Variants in SMC6 observed in about 807,000 individuals in gnomAD.
SMC6 encodes structural maintenance of chromosomes protein 6.
A neutral mutation model predicts 142.2 loss-of-function variants in SMC6; 79 were observed. That is an observed-to-expected ratio of 0.56 (90% CI 0.46 to 0.67). The LOEUF is 0.67. Among genes scored for constraint, SMC6 ranks in the 30% least tolerant of loss-of-function variants. The pLI, the probability that SMC6 is intolerant of heterozygous loss-of-function variation, is 0.00. For synonymous variants in SMC6, 411 were observed against 412.4 expected (o/e 1.00, Z 0.04); for missense variants, 1,072 against 1,284.0 (o/e 0.83, Z 2.52).
At chr2:17,739,916 A>T (rs1670357163) in intron 4 of SMC6, among the ~76,000 whole-genome samples, 1 of 150,428 alleles carries the variant, frequency 6.6e-6, no homozygotes, top group South Asian at 2.1e-4. Context: ...ACACACACAC[A>T]CACACACACA....
At chr2:17,735,634 T>C (rs1443677180) in intron 5 of SMC6, among the ~76,000 whole-genome samples, 1 of 152,188 alleles carries the variant, frequency 6.6e-6, no homozygotes, top group Admixed American at 6.5e-5. Flanking sequence ...GTAAACTGTA[T>C]ATGTTTAAAG....
intron 2 of SMC6, among the ~76,000 whole-genome samples, chr2:17,751,005 CAA>C (rs34661130): frequency 5.4e-4 from 29 of 53,804 alleles, no homozygotes; most frequent in Admixed American, 1.9e-3. Context: ...ACAGCTGTCT[CAA>C]AAAAAAAAAA....
chr2:17,675,570 A>G (rs1666960585), intron 25 of SMC6, among the ~76,000 whole-genome samples: 1 of 152,096 alleles, frequency 6.6e-6, no homozygotes, highest in East Asian at 1.9e-4. Flanking sequence ...TGTTTGTCTG[A>G]AAACTAAGAT....
Position 17,683,786 on chromosome 2 carries a change from C to T in SMC6, c.2679-23G>A, listed in dbSNP as rs200352578. ...TGCCTATTATATAAACAAAATATTACGTAAAAAATACACCACACGTAAAAA... is the reference window on the plus strand; with the variant it reads ...TGCCTATTATATAAACAAAATATTATGTAAAAAATACACCACACGTAAAAA... On this transcript the variant is annotated intron_variant, in intron 23 of 27. Transcript: ENST00000448223. 1,106 of 1,595,370 alleles carry T rather than the reference C, an allele frequency of 6.9e-4. 2 individuals are homozygous for T. The highest frequency in any genetic ancestry group is 8.1e-4 in the Non-Finnish European group (945 of 1,167,952).
At chr2:17,737,857 C>T (rs1056464137) in intron 5 of SMC6, among the ~76,000 whole-genome samples, 1 of 152,182 alleles carries the variant, frequency 6.6e-6, no homozygotes, top group Non-Finnish European at 1.5e-5. Context: ...TCCCTACTAT[C>T]GTATCAATGT....
At chr2:17,737,374 G>A (rs1670210293) in intron 5 of SMC6, among the ~76,000 whole-genome samples, 2 of 152,178 alleles carry the variant, frequency 1.3e-5, no homozygotes, top group South Asian at 2.1e-4. Flanking sequence ...AAAGTTCTCC[G>A]CACTGGGCAT....
At chr2:17,675,442 C>A (rs1301108919) in intron 25 of SMC6, among the ~76,000 whole-genome samples, 4 of 151,998 alleles carry the variant, frequency 2.6e-5, no homozygotes, top group Non-Finnish European at 4.4e-5. Flanking sequence ...CTTTTGCATT[C>A]CTCTCTGTTC....
At chr2:17,670,698 G>A in intron 25 of SMC6, 123 bp from the exon 26 acceptor site, 1 of 1,021,044 alleles carries the variant, frequency 9.8e-7, no homozygotes, top group Non-Finnish European at 1.4e-6. Context: ...AAATGACTTA[G>A]TGATTTGGAA....
chr2:17,715,765 C>G (rs554498475), intron 15 of SMC6, among the ~76,000 whole-genome samples: 35 of 152,204 alleles, frequency 2.3e-4, no homozygotes, highest in African/African-American at 7.9e-4. Flanking sequence ...ATTCAGTTAA[C>G]TGCTCCTTCA....
intron 14 of SMC6, 108 bp from the exon 15 acceptor site, chr2:17,716,372 C>G: frequency 1.0e-6 from 1 of 1,000,088 alleles, no homozygotes; most frequent in Non-Finnish European, 1.4e-6. Flanking sequence ...GCTAGCTACC[C>G]TAAAAACCAA....
intron 3 of SMC6, among the ~76,000 whole-genome samples, chr2:17,743,139 C>T (rs1670560913): frequency 6.6e-6 from 1 of 152,002 alleles, no homozygotes; most frequent in Non-Finnish European, 1.5e-5. Flanking sequence ...TATGGATGTA[C>T]CAAGGTATAT....
At chr2:17,705,264 A>T (rs1668451396) in intron 18 of SMC6, among the ~76,000 whole-genome samples, 1 of 151,972 alleles carries the variant, frequency 6.6e-6, no homozygotes. Flanking sequence ...TCTCAAAAAA[A>T]TAAAATTAAA....
chr2:17,707,160 A>C, intron 18 of SMC6, 59 bp downstream of exon 18: 1 of 1,329,314 alleles, frequency 7.5e-7, no homozygotes, highest in Non-Finnish European at 9.9e-7. Context: ...AATATGAAAG[A>C]AAATGAACCC....
Position 17,725,353 on chromosome 2 carries a change from G to A in SMC6, c.630C>T (p.Phe210=), listed in dbSNP as rs1002874076. 1.9e-6 allele frequency: 3 copies of A among 1,592,218 alleles called. No individual in the cohort carries two copies. Among genetic ancestry groups the A allele is most frequent in the Non-Finnish European group, 1.7e-6 (2 of 1,172,872 alleles). The change falls in exon 9 of 28, where the codon TTC becomes TTT. Residue 210 remains phenylalanine (F), a synonymous_variant. Transcript: ENST00000448223. ...SKNEGDKYKF[F]MKATQLEQMK... The stretch of plus-strand genomic sequence containing the variant: ...TCTGTTCAAGTTGCGTTGCTTTCAT[G>A]AAGAACTATTATCAATAACAAAAAA...
chr2:17,731,399 T>C (rs1669907962), intron 6 of SMC6, among the ~76,000 whole-genome samples: 2 of 152,242 alleles, frequency 1.3e-5, no homozygotes, highest in African/African-American at 4.8e-5. Context: ...AAAAACTAAA[T>C]GCTCACCTCT....
At chr2:17,699,655 A>G (rs1668175690) in intron 21 of SMC6, among the ~76,000 whole-genome samples, 1 of 151,968 alleles carries the variant, frequency 6.6e-6, no homozygotes, top group Non-Finnish European at 1.5e-5. Context: ...GTTTTTCTTT[A>G]GTTTATTTTT....
At chr2:17,700,521 T>C (rs771299268) in intron 20 of SMC6, 143 bp from the exon 21 acceptor site, 7 of 587,938 alleles carry the variant, frequency 1.2e-5, no homozygotes, top group Non-Finnish European at 1.9e-5. Context: ...CTAGAATATT[T>C]TTATACTCTT....
At chr2:17,721,555 A>G (rs1669375799) in intron 9 of SMC6, among the ~76,000 whole-genome samples, 1 of 152,096 alleles carries the variant, frequency 6.6e-6, no homozygotes, top group African/African-American at 2.4e-5. Flanking sequence ...TCACTTTCCC[A>G]TTTTCCCTCT....
chr2:17,689,388 AGGT>A, intron 23 of SMC6, among the ~76,000 whole-genome samples: 1 of 152,224 alleles, frequency 6.6e-6, no homozygotes, highest in Non-Finnish European at 1.5e-5. Context: ...ACTGGACTAC[AGGT>A]ATCAATGTTA....
Sources: allele counts gnomAD v4.1 joint callset (sites outside exome capture counted in the v4.1 genomes callset), GRCh38; gene constraint gnomAD v4.1.1; transcripts MANE v1.5; gene names NCBI Gene and HGNC (gene_info 2026-07-23, HGNC 2026-07-21).